Variants in MACROD2 observed in about 807,000 individuals in gnomAD.
MACROD2 encodes mono-ADP ribosylhydrolase 2.
Under a neutral mutation model 70.4 loss-of-function variants are expected in MACROD2, and 36 were observed. The ratio of observed to expected loss-of-function variants is 0.51; its 90% CI spans 0.39 to 0.68. The LOEUF is 0.68. Among genes scored for constraint, MACROD2 ranks in the 30% least tolerant of loss-of-function variants. MACROD2 has a pLI of 0.00. For missense variants in MACROD2, 496 were observed against 538.4 expected, an observed-to-expected ratio of 0.92 and a Z score of 0.78; for synonymous variants, 172 against 178.8, an observed-to-expected ratio of 0.96 and a Z score of 0.30.
At chr20:15,921,318 C>T (rs995756228) in intron 10 of MACROD2, among the ~76,000 whole-genome samples, 2 of 152,218 alleles carry the variant, frequency 1.3e-5, no homozygotes, top group Non-Finnish European at 2.9e-5. Context: ...GAAACATTCC[C>T]TCTTTCCTCA....
intron 2 of MACROD2, among the ~76,000 whole-genome samples, chr20:14,045,957 G>T (rs936230608): frequency 9.2e-5 from 14 of 152,176 alleles, no homozygotes; most frequent in Non-Finnish European, 1.9e-4. Flanking sequence ...CAGATTTGAA[G>T]AAAGCCCAGA....
chr20:15,268,615 T>C (rs1014552238), intron 6 of MACROD2, among the ~76,000 whole-genome samples: 1 of 152,334 alleles, frequency 6.6e-6, no homozygotes, highest in Non-Finnish European at 1.5e-5. Context: ...ATTGCGCCAC[T>C]GCACTCCAGC....
intron 8 of MACROD2, among the ~76,000 whole-genome samples, chr20:15,612,911 G>C (rs563150173): frequency 6.6e-6 from 1 of 152,292 alleles, no homozygotes; most frequent in East Asian, 1.9e-4. Context: ...AGACTGACAG[G>C]CTGCCTGAAA....
intron 9 of MACROD2, among the ~76,000 whole-genome samples, chr20:15,875,008 C>A (rs532753181): frequency 4.0e-4 from 61 of 152,184 alleles, no homozygotes; most frequent in African/African-American, 7.5e-4. Flanking sequence ...AGAACTGCAC[C>A]ATTGCTGGCT....
chr20:14,044,461 C>T (rs2053440134), intron 2 of MACROD2, among the ~76,000 whole-genome samples: 1 of 152,130 alleles, frequency 6.6e-6, no homozygotes, highest in Non-Finnish European at 1.5e-5. Flanking sequence ...TGCTTTTATT[C>T]TCTTATTTGG....
intron 4 of MACROD2, among the ~76,000 whole-genome samples, chr20:14,526,140 T>A (rs2085228639): frequency 6.6e-6 from 1 of 152,234 alleles, no homozygotes; most frequent in Non-Finnish European, 1.5e-5. Context: ...CCATGATGAC[T>A]CTGACATCAG....
intron 3 of MACROD2, among the ~76,000 whole-genome samples, chr20:14,419,141 G>A (rs980924155): frequency 2.6e-5 from 4 of 151,716 alleles, no homozygotes; most frequent in Admixed American, 6.6e-5. Context: ...CGCAACCTTC[G>A]CCTCCTGGGT....
chr20:15,352,490 T>C lies in MACROD2; in HGVS notation c.541-78915T>C, dbSNP rs1002475057. Among the ~76,000 whole-genome samples the C allele has an allele frequency of 3.9e-5, 6 of 152,188 alleles. No homozygotes were observed. The South Asian group carries it at 1.2e-3, about 32-fold the overall frequency. The stretch of plus-strand genomic sequence containing the variant: ...TCAGAAATAATTTAGAATGGGGGAT[T>C]CTTTTTTCTTAAGTGAAAAATTTAA... On this transcript the variant is annotated intron_variant, in intron 6 of 17. Coordinates refer to ENST00000684519, the MANE Select transcript of MACROD2 (RefSeq NM_001351661.2).
chr20:15,083,502 T>C (rs948346569), intron 5 of MACROD2, among the ~76,000 whole-genome samples: 6 of 152,180 alleles, frequency 3.9e-5, no homozygotes, highest in Non-Finnish European at 5.9e-5. Context: ...CAAGTCTGCA[T>C]CTTGTCAACT....
At chr20:14,251,836 A>C (rs2122274793) in intron 3 of MACROD2, among the ~76,000 whole-genome samples, 1 of 152,178 alleles carries the variant, frequency 6.6e-6, no homozygotes. Flanking sequence ...ATGGTTAAAA[A>C]CCAAAGGAGT....
intron 3 of MACROD2, chr20:14,328,951 A>T (rs189563915): frequency 2.6e-4 from 40 of 151,842 alleles, no homozygotes; most frequent in African/African-American, 9.4e-4. Context: ...TGAAATTCTT[A>T]TTGGCTCTTC....
chr20:15,551,868 C>CA (rs5840671), intron 8 of MACROD2, among the ~76,000 whole-genome samples: 73,726 of 121,574 alleles, frequency 0.61, 22,949 homozygotes, highest in East Asian at 0.78. Context: ...GACCCTGCCT[C>CA]AAAAAAAAAA....
intron 3 of MACROD2, among the ~76,000 whole-genome samples, chr20:14,122,321 G>T (rs1000998014): frequency 5.9e-5 from 9 of 152,110 alleles, no homozygotes; most frequent in African/African-American, 2.2e-4. Context: ...TAGAGTCCTT[G>T]TATGGACTAA....
At chr20:14,579,920 T>C (rs1980895521) in intron 4 of MACROD2, among the ~76,000 whole-genome samples, 2 of 152,158 alleles carry the variant, frequency 1.3e-5, no homozygotes, top group African/African-American at 2.4e-5. Context: ...GTCCCTCATC[T>C]TGGAGGAACT....
intron 6 of MACROD2, among the ~76,000 whole-genome samples, chr20:15,424,141 C>T (rs1325882191): frequency 1.3e-5 from 2 of 152,152 alleles, no homozygotes; most frequent in Admixed American, 6.5e-5. Flanking sequence ...ACAGTGGGAC[C>T]AGAGCTTCAC....
At chr20:15,953,575 CT>C (rs1306897511) in intron 12 of MACROD2, among the ~76,000 whole-genome samples, 1 of 152,038 alleles carries the variant, frequency 6.6e-6, no homozygotes, top group Non-Finnish European at 1.5e-5. Flanking sequence ...TAAGTTAAGG[CT>C]TTTTTGAATC....
At chr20:16,045,550 A>C (rs2067367900) in intron 17 of MACROD2, among the ~76,000 whole-genome samples, 1 of 152,124 alleles carries the variant, frequency 6.6e-6, no homozygotes, top group African/African-American at 2.4e-5. Context: ...TGAGATCAAG[A>C]GGTGACAGAC....
At chr20:15,439,062 C>G (rs1168645010) in intron 7 of MACROD2, among the ~76,000 whole-genome samples, 1 of 152,164 alleles carries the variant, frequency 6.6e-6, no homozygotes, top group Non-Finnish European at 1.5e-5. Context: ...AGAACTTATT[C>G]AGTTAGAGAG....
At chr20:15,476,115 T>C (rs1327500636) in intron 7 of MACROD2, among the ~76,000 whole-genome samples, 1 of 152,210 alleles carries the variant, frequency 6.6e-6, no homozygotes, top group East Asian at 1.9e-4. Flanking sequence ...AGATAAGTTA[T>C]CTAGATTTTT....
Sources: gnomAD v4.1 joint callset for allele counts (sites outside exome capture counted in the v4.1 genomes callset) on GRCh38, gnomAD v4.1.1 for gene constraint, MANE v1.5 for transcripts, NCBI Gene and HGNC (gene_info 2026-07-23, HGNC 2026-07-21) for gene names.